Variants in CALN1 observed in about 807,000 individuals in gnomAD.
CALN1 encodes calneuron 1, also known as calcium-binding protein 8.
CALN1 carries 17 observed loss-of-function variants against 30.6 expected under a neutral mutation model. The observed-to-expected ratio is 0.56, with a 90% confidence interval of 0.38 to 0.83. CALN1 has a LOEUF of 0.83. Ranked by LOEUF, CALN1 falls within the 40% of genes least tolerant of loss-of-function variation. The pLI is 0.00. For missense variants in CALN1, 291 were observed against 354.9 expected, an observed-to-expected ratio of 0.82 and a Z score of 1.45; for synonymous variants, 156 against 131.4, an observed-to-expected ratio of 1.19 and a Z score of -1.28.
intron 1 of CALN1, among the ~76,000 whole-genome samples, chr7:72,426,680 T>C (rs1335090591): frequency 6.6e-6 from 1 of 152,230 alleles, no homozygotes. Flanking sequence ...ACGAAACTGA[T>C]AGACAGAGCC....
At chr7:72,205,441 G>C (rs1359687888) in intron 3 of CALN1, among the ~76,000 whole-genome samples, 1 of 149,378 alleles carries the variant, frequency 6.7e-6, no homozygotes, top group Non-Finnish European at 1.5e-5. Context: ...ACCTCAAGTT[G>C]ATCCACCCAC....
intron 6 of CALN1, among the ~76,000 whole-genome samples, chr7:71,801,753 G>C (rs914195864): frequency 3.3e-5 from 5 of 151,922 alleles, no homozygotes; most frequent in Non-Finnish European, 7.4e-5. Flanking sequence ...GAGGTGGGTG[G>C]ATCACCTGAG....
At chr7:72,333,514 G>A (rs899119922) in intron 2 of CALN1, among the ~76,000 whole-genome samples, 1 of 152,138 alleles carries the variant, frequency 6.6e-6, no homozygotes. Flanking sequence ...AATCTTGAAG[G>A]ATGGTTTCAT....
chr7:72,095,311 T>C (rs552085976), intron 4 of CALN1, among the ~76,000 whole-genome samples: 104 of 152,308 alleles, frequency 6.8e-4, no homozygotes, highest in Admixed American at 2.6e-3. Context: ...GCTAGTATTA[T>C]TGTTATCCAG....
chr7:72,041,330 G>A (rs1201788812), intron 4 of CALN1, among the ~76,000 whole-genome samples: 1 of 152,050 alleles, frequency 6.6e-6, no homozygotes, highest in Non-Finnish European at 1.5e-5. Flanking sequence ...ACTGGAGTGA[G>A]GGGATGGGGG....
intron 4 of CALN1, among the ~76,000 whole-genome samples, chr7:72,025,686 A>G (rs1238100574): frequency 6.6e-6 from 1 of 152,188 alleles, no homozygotes; most frequent in African/African-American, 2.4e-5. Context: ...GGGCAACTCC[A>G]TCAAAAGTTC....
intron 3 of CALN1, among the ~76,000 whole-genome samples, chr7:72,276,809 G>GT (rs1438208004): frequency 6.6e-6 from 1 of 151,978 alleles, no homozygotes; most frequent in African/African-American, 2.4e-5. Context: ...GCCAAATATA[G>GT]TTCTTTTCTA....
intron 3 of CALN1, among the ~76,000 whole-genome samples, chr7:72,217,873 C>T (rs1477952637): frequency 9.4e-5 from 12 of 128,078 alleles, no homozygotes; most frequent in African/African-American, 2.4e-4. Flanking sequence ...GATGGAGTCC[C>T]GCTGTTTCAT....
At chr7:72,131,714 T>C (rs945704127) in intron 3 of CALN1, among the ~76,000 whole-genome samples, 7 of 152,172 alleles carry the variant, frequency 4.6e-5, no homozygotes, top group Admixed American at 2.6e-4. Context: ...ACTCCCACCA[T>C]CTGCTCATCA....
chr7:72,097,165 G>T (rs534347738), intron 4 of CALN1, among the ~76,000 whole-genome samples: 11 of 152,076 alleles, frequency 7.2e-5, no homozygotes, highest in African/African-American at 2.2e-4. Context: ...GTCGTGGGGT[G>T]GGGGGAGAGG....
At chr7:72,182,603 C>G (rs1789892076) in intron 3 of CALN1, among the ~76,000 whole-genome samples, 2 of 151,874 alleles carry the variant, frequency 1.3e-5, no homozygotes, top group South Asian at 4.2e-4. Flanking sequence ...ACCTGTAGTC[C>G]CAGCTACTTG....
intron 3 of CALN1, among the ~76,000 whole-genome samples, chr7:72,124,442 C>G (rs140292382): frequency 4.3e-4 from 66 of 152,124 alleles, no homozygotes; most frequent in Non-Finnish European, 8.5e-4. Context: ...GAGTTTGAGA[C>G]CAGCTTGGGT....
At chr7:72,056,136 G>T (rs1319092005) in intron 4 of CALN1, among the ~76,000 whole-genome samples, 1 of 103,078 alleles carries the variant, frequency 9.7e-6, no homozygotes. Flanking sequence ...CTGGTAGAAG[G>T]ATTACTCTAA....
In CALN1 at chr7:72,049,183, C is replaced by A. The variant is rs562967338; in HGVS notation, c.389-25414G>T. ...GAAGCATAATAAATAGCAACAGCCA[C>A]AGCACAGATAATCACATCAATAACC... On this transcript the variant is annotated intron_variant, in intron 4 of 6. Transcript: ENST00000395275. Among the ~76,000 whole-genome samples the A allele has an allele frequency of 2.6e-5, 4 of 152,202 alleles. No homozygotes were observed. In the South Asian group the frequency reaches 6.2e-4, roughly 24 times the overall value.
intron 4 of CALN1, among the ~76,000 whole-genome samples, chr7:72,057,111 TTA>T (rs1491583894): frequency 4.7e-5 from 6 of 129,010 alleles, no homozygotes; most frequent in South Asian, 4.4e-4. Context: ...CACCTGTTTT[TTA>T]AAAAAAAAAA....
intron 5 of CALN1, among the ~76,000 whole-genome samples, chr7:71,886,901 C>T (rs1792944306): frequency 6.6e-6 from 1 of 152,078 alleles, no homozygotes; most frequent in South Asian, 2.1e-4. Context: ...CAGAGACATG[C>T]CCTGAAACCA....
chr7:72,334,195 A>T (rs1226241766), intron 2 of CALN1, among the ~76,000 whole-genome samples: 2 of 152,170 alleles, frequency 1.3e-5, no homozygotes, highest in African/African-American at 4.8e-5. Flanking sequence ...GGGTCTCCGA[A>T]GGCTTTAAAC....
intron 3 of CALN1, among the ~76,000 whole-genome samples, chr7:72,275,709 G>C (rs1373951721): frequency 3.3e-5 from 5 of 152,212 alleles, no homozygotes; most frequent in Non-Finnish European, 7.3e-5. Context: ...CAGGCTGCCA[G>C]CCTGGGCTTG....
At chr7:72,051,770 T>A (rs1421588034) in intron 4 of CALN1, among the ~76,000 whole-genome samples, 1 of 152,158 alleles carries the variant, frequency 6.6e-6, no homozygotes, top group Non-Finnish European at 1.5e-5. Flanking sequence ...AATCCATGTA[T>A]GAAATCAAAT....
Sources: allele counts gnomAD v4.1 joint callset (sites outside exome capture counted in the v4.1 genomes callset), GRCh38; gene constraint gnomAD v4.1.1; transcripts MANE v1.5; gene names NCBI Gene and HGNC (gene_info 2026-07-23, HGNC 2026-07-21).